Variants in DMD observed in about 807,000 individuals in gnomAD.
The protein encoded by DMD is dystrophin, also known as mutant dystrophin.
A neutral mutation model predicts 330.1 loss-of-function variants in DMD; 63 were observed. The ratio of observed to expected loss-of-function variants is 0.19; its 90% CI spans 0.16 to 0.24. The LOEUF is 0.24. Among genes scored for constraint, DMD ranks in the 10% least tolerant of loss-of-function variants. DMD has a pLI of 1.00. For missense variants in DMD, 3,344 were observed against 2,684.1 expected (o/e 1.25, Z -5.43); for synonymous variants, 1,223 against 959.8 (o/e 1.27, Z -5.07).
chrX:31,746,919 A>T (rs1227215923), intron 51 of DMD, among the ~76,000 whole-genome samples: 1 of 111,518 alleles, frequency 9.0e-6, no homozygotes, highest in Non-Finnish European at 1.9e-5. Flanking sequence ...AAGGGGAAAA[A>T]GTGCTTAACA....
At chrX:32,785,754 A>C (rs1355684561) in intron 7 of DMD, among the ~76,000 whole-genome samples, 1 of 111,286 alleles carries the variant, frequency 9.0e-6, no homozygotes, top group Non-Finnish European at 1.9e-5. Flanking sequence ...TGAAAGCAAA[A>C]TTCGAGATAT....
chrX:33,125,532 G>A (rs779088864), intron 1 of DMD, among the ~76,000 whole-genome samples: 16 of 110,807 alleles, frequency 1.4e-4, no homozygotes, highest in Non-Finnish European at 2.1e-4. Context: ...TAAACGTTGC[G>A]CCCCATTAGA....
chrX:32,536,872 T>A (rs1036728799), intron 17 of DMD, among the ~76,000 whole-genome samples: 1 of 111,881 alleles, frequency 8.9e-6, no homozygotes, highest in Admixed American at 9.5e-5. Flanking sequence ...GGGAATAATC[T>A]AATTAAAACT....
rs759927419 is a variant in DMD at position 32,630,323 on chromosome X, A to AT, written c.1331+13808dup. Among the ~76,000 whole-genome samples the AT allele has an allele frequency of 2.0e-3, 212 of 105,379 alleles. 1 individual carries two copies. The highest frequency in any genetic ancestry group is 5.0e-3 in the Middle Eastern group (1 of 202). The allele number at this position is 105,379 out of a possible 115,157, so 91.5% of individuals were successfully genotyped here. On this transcript the variant is annotated intron_variant, in intron 11 of 78. Transcript: ENST00000357033. ...GACATACTGGAGCTATTTCTATGTG[A>AT]TTTTTTTTTTTATATGATTACCGCT...
chrX:32,777,282 G>GGGGGGGGGGGGT (rs1368782701), intron 7 of DMD, among the ~76,000 whole-genome samples: 1 of 54,132 alleles, frequency 1.8e-5, no homozygotes, highest in Non-Finnish European at 3.7e-5. Context: ...CTGGTTGGGG[G>GGGGGGGGGGGGT]GGGAATCCTA....
chrX:32,631,228 T>A (rs1336919523), intron 11 of DMD, among the ~76,000 whole-genome samples: 1 of 110,535 alleles, frequency 9.0e-6, no homozygotes, highest in Non-Finnish European at 1.9e-5. Flanking sequence ...AAAGGAGAGG[T>A]GACACAAGCA....
chrX:33,268,647 C>T (rs1448560022), intron 1 of DMD, among the ~76,000 whole-genome samples: 1 of 111,906 alleles, frequency 8.9e-6, no homozygotes, highest in Admixed American at 9.5e-5. Flanking sequence ...TCAAGAAAGG[C>T]TGAGTGCAGT....
At chrX:32,492,922 AC>A (rs201518570) in intron 19 of DMD, among the ~76,000 whole-genome samples, 1,918 of 111,594 alleles carry the variant, frequency 0.017, 53 homozygotes, top group African/African-American at 0.059. Context: ...AGGTTAAAAT[AC>A]CTAAAAGTTC....
intron 15 of DMD, among the ~76,000 whole-genome samples, chrX:32,566,928 T>G (rs1256091904): frequency 1.8e-5 from 2 of 112,057 alleles, no homozygotes; most frequent in African/African-American, 6.5e-5. Flanking sequence ...GAATGTAAAC[T>G]AAATCGCGAT....
intron 13 of DMD, among the ~76,000 whole-genome samples, chrX:32,579,091 A>G (rs762998149): frequency 9.0e-6 from 1 of 111,674 alleles, no homozygotes; most frequent in South Asian, 3.8e-4. Flanking sequence ...AATGTGGCAG[A>G]GTCCTACTGA....
At chrX:33,030,548 C>A (rs147859942) in intron 1 of DMD, among the ~76,000 whole-genome samples, 2,223 of 111,368 alleles carry the variant, frequency 0.02, 35 homozygotes, top group East Asian at 0.12. Context: ...AATTAGTATG[C>A]AGACTTGAAA....
intron 7 of DMD, among the ~76,000 whole-genome samples, chrX:32,714,542 C>T (rs760855602): frequency 1.2e-4 from 13 of 111,233 alleles, no homozygotes; most frequent in African/African-American, 4.3e-4. Context: ...ATATACACAC[C>T]ACATTATCTT....
intron 29 of DMD, among the ~76,000 whole-genome samples, chrX:32,427,621 T>TAA (rs34233929): frequency 2.7e-4 from 27 of 100,063 alleles, no homozygotes; most frequent in African/African-American, 4.7e-4. Context: ...CTGATTTTGG[T>TAA]AAAAAAAAAA....
chrX:31,380,618 G>C (rs986405951), intron 60 of DMD, among the ~76,000 whole-genome samples: 3 of 111,371 alleles, frequency 2.7e-5, no homozygotes, highest in East Asian at 2.8e-4. Context: ...AGCAGACAAG[G>C]TTTACAGGTT....
intron 1 of DMD, among the ~76,000 whole-genome samples, chrX:33,317,957 C>T (rs773609727): frequency 1.8e-5 from 2 of 111,384 alleles, no homozygotes; most frequent in Non-Finnish European, 1.9e-5. Flanking sequence ...TGTCTGATTT[C>T]AGTAAAGGAG....
Position 31,261,018 on chromosome X carries a change from TAAAACAC to T in DMD, c.9225-9_9225-3del. 2 of 1,208,694 alleles carry T rather than the reference TAAAACAC, an allele frequency of 1.7e-6. No individual in the cohort carries two copies. Among genetic ancestry groups the T allele is most frequent in the Non-Finnish European group, 2.2e-6 (2 of 893,076 alleles). ...CAGCAAGTTGTTTGAGTCTCGTGGC[TAAAACAC>T]AAAACATAAAGAAAGACTTTAGCAT... On this transcript the variant is annotated splice_region_variant and splice_polypyrimidine_tract_variant and intron_variant, in intron 62 of 78. Coordinates refer to ENST00000357033, the MANE Select transcript of DMD (RefSeq NM_004006.3).
chrX:32,715,952 C>T (rs1401451213), intron 7 of DMD, among the ~76,000 whole-genome samples: 2 of 111,616 alleles, frequency 1.8e-5, no homozygotes, highest in East Asian at 5.6e-4. Flanking sequence ...TGCTGAGTAT[C>T]ATTTTATTAC....
In DMD at chrX:31,815,150, T is replaced by C. The variant is rs778104131; in HGVS notation, c.7309+4825A>G. ...CAGCATCAGCATAACCTAGGAACTT[T>C]TCAGAGATGCAAGTCTTGGCTGGGC... On this transcript the variant is annotated intron_variant, in intron 50 of 78. Transcript: ENST00000357033. Among the ~76,000 whole-genome samples, 21 of 112,129 alleles carry C rather than the reference T, an allele frequency of 1.9e-4. No individual in the cohort carries two copies. The East Asian group carries it at 3.1e-3, about 17-fold the overall frequency.
At chrX:33,166,923 T>G (rs779905371) in intron 1 of DMD, among the ~76,000 whole-genome samples, 1 of 110,950 alleles carries the variant, frequency 9.0e-6, no homozygotes, top group South Asian at 3.7e-4. Flanking sequence ...TATTAACACA[T>G]TTAAAAGTGG....
Sources: gnomAD v4.1 joint callset for allele counts (sites outside exome capture counted in the v4.1 genomes callset) on GRCh38, gnomAD v4.1.1 for gene constraint, MANE v1.5 for transcripts, NCBI Gene and HGNC (gene_info 2026-07-23, HGNC 2026-07-21) for gene names.